Variants in SIK3 observed in about 807,000 individuals in gnomAD.
SIK3 encodes the protein SIK family kinase 3.
Under a neutral mutation model 144.2 loss-of-function variants are expected in SIK3, and 28 were observed. The ratio of observed to expected loss-of-function variants is 0.19; its 90% CI spans 0.14 to 0.27. SIK3 has a LOEUF of 0.27. Among genes scored for constraint, SIK3 ranks in the 10% least tolerant of loss-of-function variants. SIK3 has a pLI of 1.00. For missense variants in SIK3, 1,319 were observed against 1,776.0 expected, an observed-to-expected ratio of 0.74 and a Z score of 4.62; for synonymous variants, 686 against 676.3, an observed-to-expected ratio of 1.01 and a Z score of -0.22.
At chr11:116,960,641 T>C (rs74922395) in intron 1 of SIK3, among the ~76,000 whole-genome samples, 3,749 of 152,300 alleles carry the variant, frequency 0.025, 85 homozygotes, top group South Asian at 0.11. Context: ...CTTGGAACTA[T>C]CCCTTAATAT....
At position 116,843,860 on chromosome 11, in the gene SIK3, G is replaced by A. The variant is rs1015627490; in HGVS notation, c.*1783C>T. 9 of 152,180 alleles carry A rather than the reference G, an allele frequency of 5.9e-5. No homozygotes were observed. Among genetic ancestry groups the A allele is most frequent in the African/African-American group, 1.2e-4 (5 of 41,430 alleles). 9.4% of individuals were successfully genotyped at this position (152,180 alleles called of 1,614,324 possible). On this transcript the variant is annotated 3_prime_UTR_variant, in exon 25 of 25. Coordinates refer to ENST00000445177, the MANE Select transcript of SIK3 (RefSeq NM_001366686.3). ...CATGGAAACATGGGACAGCTCCCAC[G>A]AAGGGCTCTTGCACTGCAGAATTCC...
At chr11:116,958,421 G>C (rs1024092015) in intron 1 of SIK3, among the ~76,000 whole-genome samples, 2 of 152,310 alleles carry the variant, frequency 1.3e-5, no homozygotes, top group South Asian at 4.1e-4. Flanking sequence ...CATGCCTAAC[G>C]AGGGAGTGTG....
chr11:117,032,744 T>C (rs1186252834), intron 1 of SIK3, among the ~76,000 whole-genome samples: 3 of 151,960 alleles, frequency 2.0e-5, no homozygotes, highest in Non-Finnish European at 2.9e-5. Context: ...ATTAAGTTCA[T>C]CTTTTTTATC....
Position 116,859,547 on chromosome 11 carries a change from T to C in SIK3, c.2483A>G (p.Gln828Arg). The C allele has an allele frequency of 6.2e-7, 1 of 1,614,162 alleles. No individual in the cohort carries two copies. The change falls in exon 20 of 25, where the codon CAG (glutamine) becomes CGG (arginine). Residue 828 changes from glutamine to arginine, a missense_variant. By Grantham distance (43) the Gln-to-Arg change is conservative. This residue lies in a region of SIK3 where 646 missense variants were observed against 763.7 expected (regional missense o/e 0.85). Coordinates refer to ENST00000445177, the MANE Select transcript of SIK3 (RefSeq NM_001366686.3). ...AGGAGAGGAACAGTTCTCAGGTTGCTGCTGAAAGATTGCACTGCGGGAAGG... is the reference window on the plus strand; with the variant it reads ...AGGAGAGGAACAGTTCTCAGGTTGCCGCTGAAAGATTGCACTGCGGGAAGG... ...GLPSRSAIFQ[Q>R]QPENCSSPPN...
intron 1 of SIK3, among the ~76,000 whole-genome samples, chr11:117,021,902 G>A (rs1195203896): frequency 9.3e-6 from 1 of 107,062 alleles, no homozygotes; most frequent in Admixed American, 1.4e-4. Context: ...GACCACCCTG[G>A]ATAGCACAGT....
intron 1 of SIK3, among the ~76,000 whole-genome samples, chr11:116,989,575 TA>T (rs10706688): frequency 0.45 from 67,978 of 151,154 alleles, 18,970 homozygotes; most frequent in Non-Finnish European, 0.64. Flanking sequence ...AAATTGAAAC[TA>T]AAGGCAACCC....
intron 22 of SIK3, among the ~76,000 whole-genome samples, chr11:116,848,046 G>A (rs1023148571): frequency 6.6e-6 from 1 of 152,198 alleles, no homozygotes; most frequent in Admixed American, 6.5e-5. Context: ...TGGGCACGGT[G>A]GCTCATGCCT....
intron 1 of SIK3, 28 bp from the exon 2 acceptor site, chr11:116,957,092 T>C: frequency 7.5e-7 from 1 of 1,331,572 alleles, no homozygotes; most frequent in Non-Finnish European, 1.0e-6. Flanking sequence ...AAAATTACTC[T>C]GATGCATTAT....
At chr11:116,869,436 A>G (rs1222519960) in intron 14 of SIK3, 2 of 152,212 alleles carry the variant, frequency 1.3e-5, no homozygotes, top group Non-Finnish European at 2.9e-5. Context: ...AACAGACTGT[A>G]GAGTAATCAG....
intron 1 of SIK3, among the ~76,000 whole-genome samples, chr11:116,965,734 AATATATATATATAT>A (rs58587995): frequency 0.013 from 1,496 of 118,254 alleles, 72 homozygotes; most frequent in East Asian, 0.11. Flanking sequence ...TCTCTGCTAA[AATATATATATATAT>A]ATATATATAT....
chr11:116,966,711 A>G (rs1482489785), intron 1 of SIK3, among the ~76,000 whole-genome samples: 1 of 152,084 alleles, frequency 6.6e-6, no homozygotes, highest in East Asian at 1.9e-4. Context: ...AAAAATGTCA[A>G]AGTTATGGTG....
At chr11:116,965,706 T>C (rs1949502647) in intron 1 of SIK3, among the ~76,000 whole-genome samples, 1 of 146,048 alleles carries the variant, frequency 6.8e-6, no homozygotes, top group Admixed American at 6.9e-5. Context: ...CCAGCCTCTC[T>C]AACATGGTGA....
At chr11:117,051,132 G>C (rs565202657) in intron 1 of SIK3, among the ~76,000 whole-genome samples, 3 of 152,328 alleles carry the variant, frequency 2.0e-5, no homozygotes, top group South Asian at 4.1e-4. Flanking sequence ...GCAAACGGCA[G>C]AGGAAGAGCA....
intron 21 of SIK3, among the ~76,000 whole-genome samples, chr11:116,852,435 A>G (rs1484838028): frequency 6.6e-6 from 1 of 152,212 alleles, no homozygotes; most frequent in African/African-American, 2.4e-5. Context: ...GGAGTTGAGC[A>G]CAAGGGTCAT....
At chr11:117,067,630 T>C (rs1379619677) in intron 1 of SIK3, among the ~76,000 whole-genome samples, 3 of 152,196 alleles carry the variant, frequency 2.0e-5, no homozygotes, top group Admixed American at 1.3e-4. Context: ...AAATTCAAAT[T>C]GTAAACTTAA....
intron 1 of SIK3, among the ~76,000 whole-genome samples, chr11:117,035,418 C>T (rs181274971): frequency 1.3e-3 from 204 of 152,246 alleles, no homozygotes; most frequent in Non-Finnish European, 1.8e-3. Flanking sequence ...ATTAATGATT[C>T]TATTAAACAT....
intron 4 of SIK3, among the ~76,000 whole-genome samples, chr11:116,901,902 A>T (rs1945757689): frequency 6.6e-6 from 1 of 152,242 alleles, no homozygotes; most frequent in South Asian, 2.1e-4. Flanking sequence ...GAGAGTGGGA[A>T]CAGGTTGCTA....
Position 117,098,318 on chromosome 11 carries a change from C to G in SIK3, c.98G>C (p.Gly33Ala), listed in dbSNP as rs1955577354. 14 of 1,160,294 alleles carry G rather than the reference C, an allele frequency of 1.2e-5. No individual in the cohort carries two copies. The highest frequency in any genetic ancestry group is 1.5e-5 in the Non-Finnish European group (14 of 945,304). 71.9% of individuals were successfully genotyped at this position (1,160,294 alleles called of 1,614,324 possible). A position where few individuals can be genotyped will look rare whatever the true frequency, so the allele number is the denominator to read the frequency against. The change falls in exon 1 of 25, where the codon GGG becomes GCG. Residue 33 changes from glycine (G) to alanine (A), a missense_variant. This residue lies in a region of SIK3 where 114 missense variants were observed against 116.2 expected (regional missense o/e 0.98). Coordinates refer to ENST00000445177, the MANE Select transcript of SIK3 (RefSeq NM_001366686.3). ...AGRLLPPPAPGSPAAPAAVSP... is the reference protein window; with the variant it reads ...AGRLLPPPAPASPAAPAAVSP... ...CACGGCAGCGGGGGCGGCTGGGGACCCCGGCGCGGGCGGAGGCAGCAGGCG... is the reference window on the plus strand; with the variant it reads ...CACGGCAGCGGGGGCGGCTGGGGACGCCGGCGCGGGCGGAGGCAGCAGGCG...
chr11:116,894,786 T>G (rs1945306743), intron 6 of SIK3, among the ~76,000 whole-genome samples: 2 of 152,188 alleles, frequency 1.3e-5, no homozygotes, highest in African/African-American at 4.8e-5. Context: ...TTGAATCTGA[T>G]CACTTCTTAC....
Sources: allele counts gnomAD v4.1 joint callset (sites outside exome capture counted in the v4.1 genomes callset), GRCh38; gene constraint gnomAD v4.1.1; regional missense constraint gnomAD v4.1.1; transcripts MANE v1.5; gene names NCBI Gene and HGNC (gene_info 2026-07-23, HGNC 2026-07-21).